The following JMJD1C variants were observed in gnomAD, a reference collection of about 807,000 sequenced individuals.
JMJD1C encodes jumonji domain-containing protein 1C.
In JMJD1C, 31 loss-of-function variants were observed where a neutral mutation model predicts 245.3. That is an observed-to-expected ratio of 0.13 (90% CI 0.09 to 0.17). The LOEUF (loss-of-function observed/expected upper bound fraction) is 0.17. Ranked by LOEUF, JMJD1C falls within the 10% of genes least tolerant of loss-of-function variation. The pLI is 1.00. For missense variants in JMJD1C, 2,691 were observed against 3,000.2 expected, an observed-to-expected ratio of 0.90 and a Z score of 2.41; for synonymous variants, 1,057 against 1,017.4, an observed-to-expected ratio of 1.04 and a Z score of -0.74.
intron 2 of JMJD1C, among the ~76,000 whole-genome samples, chr10:63,304,496 A>G (rs1339018033): frequency 6.6e-6 from 1 of 152,194 alleles, no homozygotes; most frequent in African/African-American, 2.4e-5. Flanking sequence ...AAAAGAAATA[A>G]AAGACGTGGG....
At chr10:63,473,098 ATC>A (rs1210951120) in intron 1 of JMJD1C, among the ~76,000 whole-genome samples, 2 of 152,054 alleles carry the variant, frequency 1.3e-5, no homozygotes, top group Admixed American at 6.6e-5. Context: ...CAAATTTTAA[ATC>A]TGTTAATGTA....
At chr10:63,414,598 T>C (rs931009779) in intron 1 of JMJD1C, among the ~76,000 whole-genome samples, 1 of 151,940 alleles carries the variant, frequency 6.6e-6, no homozygotes, top group Non-Finnish European at 1.5e-5. Context: ...TATTAAAAAT[T>C]TATTCTGCTC....
At chr10:63,499,270 T>C (rs1389294716) in intron 1 of JMJD1C, among the ~76,000 whole-genome samples, 1 of 152,236 alleles carries the variant, frequency 6.6e-6, no homozygotes, top group Non-Finnish European at 1.5e-5. Flanking sequence ...TAGTTCTCTT[T>C]TTAATTCTCT....
At chr10:63,287,884 A>G (rs1366778269) in intron 2 of JMJD1C, among the ~76,000 whole-genome samples, 1 of 151,896 alleles carries the variant, frequency 6.6e-6, no homozygotes, top group Non-Finnish European at 1.5e-5. Context: ...AGTAGCTGGG[A>G]TTACAGACAC....
At chr10:63,282,734 T>G (rs549831800) in intron 2 of JMJD1C, among the ~76,000 whole-genome samples, 1 of 152,338 alleles carries the variant, frequency 6.6e-6, no homozygotes, top group African/African-American at 2.4e-5. Context: ...TTTCTTTTTT[T>G]GAGACAGAGT....
chr10:63,474,685 C>A (rs117575625), intron 1 of JMJD1C, among the ~76,000 whole-genome samples: 2 of 151,956 alleles, frequency 1.3e-5, no homozygotes, highest in Admixed American at 6.6e-5. Context: ...TCTGGCGTTA[C>A]GCAATCCTCT....
intron 1 of JMJD1C, among the ~76,000 whole-genome samples, chr10:63,511,882 G>A (rs972842105): frequency 1.3e-5 from 2 of 152,092 alleles, no homozygotes; most frequent in African/African-American, 2.4e-5. Flanking sequence ...GTATACTGAG[G>A]AATAACTGTT....
At chr10:63,209,951 T>C (rs1160999123) in intron 8 of JMJD1C, among the ~76,000 whole-genome samples, 1 of 152,208 alleles carries the variant, frequency 6.6e-6, no homozygotes, top group Non-Finnish European at 1.5e-5. Context: ...TTCCAGAACA[T>C]GTTTTATGAA....
At chr10:63,469,796 G>A (rs1051669858), upstream of JMJD1C, among the ~76,000 whole-genome samples, 5 of 152,104 alleles carry the variant, frequency 3.3e-5, no homozygotes, top group Non-Finnish European at 7.4e-5. Flanking sequence ...TATAGATAGG[G>A]CTAAGAATCG....
At chr10:63,488,541 TAA>T (rs34776341) in intron 1 of JMJD1C, among the ~76,000 whole-genome samples, 44 of 149,182 alleles carry the variant, frequency 2.9e-4, no homozygotes, top group African/African-American at 3.7e-4. Flanking sequence ...AAATGAATGT[TAA>T]AAAAAAAAAA....
chr10:63,258,681 T>C (rs1306192883), intron 3 of JMJD1C, among the ~76,000 whole-genome samples: 8 of 152,216 alleles, frequency 5.3e-5, no homozygotes, highest in African/African-American at 1.2e-4. Context: ...TCAGTCTTTA[T>C]TGACTTCTCC....
chr10:63,331,707 G>A (rs1308591898), intron 2 of JMJD1C, among the ~76,000 whole-genome samples: 2 of 152,182 alleles, frequency 1.3e-5, no homozygotes, highest in Non-Finnish European at 2.9e-5. Context: ...CTGCTTCCCA[G>A]GTTCAAGTGA....
intron 2 of JMJD1C, among the ~76,000 whole-genome samples, chr10:63,362,456 C>T (rs1333136237): frequency 1.6e-5 from 2 of 122,680 alleles, no homozygotes; most frequent in Non-Finnish European, 3.7e-5. Context: ...AGTTCAGTTA[C>T]ACATATATAT....
chr10:63,203,257 CAT>C (rs1331406133), intron 10 of JMJD1C: 3 of 975,786 alleles, frequency 3.1e-6, no homozygotes, highest in South Asian at 4.7e-5. Context: ...CCTTCAATTC[CAT>C]ATATATATAA....
intron 2 of JMJD1C, among the ~76,000 whole-genome samples, chr10:63,268,314 G>C (rs1396255318): frequency 6.7e-6 from 1 of 148,388 alleles, no homozygotes; most frequent in Admixed American, 6.7e-5. Context: ...TGAAAAACAC[G>C]ATACTGTTAG....
At chr10:63,327,503 C>T (rs1037941526) in intron 2 of JMJD1C, among the ~76,000 whole-genome samples, 3 of 152,130 alleles carry the variant, frequency 2.0e-5, no homozygotes, top group African/African-American at 2.4e-5. Context: ...TATACACCTT[C>T]CAGTTACAAC....
chr10:63,227,000 A>G (rs1180113694), intron 3 of JMJD1C, among the ~76,000 whole-genome samples: 3 of 152,116 alleles, frequency 2.0e-5, no homozygotes, highest in African/African-American at 7.2e-5. Context: ...CCTGGGAGGC[A>G]GAAGTTGCAG....
intron 15 of JMJD1C, 89 bp downstream of exon 15, chr10:63,193,256 C>T: frequency 1.4e-6 from 2 of 1,474,962 alleles, no homozygotes; most frequent in Non-Finnish European, 1.9e-6. Flanking sequence ...CTAATTCATA[C>T]ATAAGTCCTA....
At position 63,198,736 on chromosome 10, in the gene JMJD1C, T is replaced by G. The variant is rs1370906451; in HGVS notation, c.5277-9A>C. The stretch of plus-strand genomic sequence containing the variant: ...TTTTACTAAATGACAACCTGAAATA[T>G]TAAAACATAAAAGTATTAGGTACCC... On this transcript the variant is annotated splice_polypyrimidine_tract_variant and intron_variant, in intron 11 of 25. Transcript: ENST00000399262. The G allele has an allele frequency of 1.9e-6, 3 of 1,544,038 alleles. No homozygotes were observed. Among genetic ancestry groups the G allele is most frequent in the Admixed American group, 1.8e-5 (1 of 54,474 alleles).
Sources: allele counts gnomAD v4.1 joint callset (sites outside exome capture counted in the v4.1 genomes callset), GRCh38; gene constraint gnomAD v4.1.1; transcripts MANE v1.5; gene names NCBI Gene and HGNC (gene_info 2026-07-23, HGNC 2026-07-21).